Variants in PMF1 observed in about 807,000 individuals in gnomAD.
PMF1 encodes the protein polyamine modulated factor 1.
A neutral mutation model predicts 26.7 loss-of-function variants in PMF1; 21 were observed. The observed-to-expected ratio is 0.79, with a 90% CI of 0.56 to 1.13. PMF1 has a LOEUF of 1.13. Ranked by LOEUF, PMF1 falls within the 50% of genes most tolerant of loss-of-function variation. The probability of loss-of-function intolerance (pLI) is 0.00; values close to 1 mark genes in which losing one functional copy is unlikely to be tolerated. For synonymous variants in PMF1, 105 were observed against 101.0 expected (o/e 1.04, Z -0.24); for missense variants, 266 against 254.9 (o/e 1.04, Z -0.30).
Position 156,239,536 on chromosome 1 carries a change from C to T in PMF1, c.565-12C>T. 6.2e-7 allele frequency: 1 copy of T among 1,611,624 alleles called. No homozygotes were observed. The highest frequency in any genetic ancestry group is 8.5e-7 in the Non-Finnish European group (1 of 1,178,548). On this transcript the variant is annotated splice_polypyrimidine_tract_variant and intron_variant, in intron 4 of 4. Coordinates refer to ENST00000368277, the MANE Select transcript of PMF1 (RefSeq NM_007221.4). ...AGATCCCAGTTTGTCTGTTGTCTCCCATTGATTTCAGGCTCTACACAGAGA... is the reference window on the plus strand; with the variant it reads ...AGATCCCAGTTTGTCTGTTGTCTCCTATTGATTTCAGGCTCTACACAGAGA...
intron 1 of PMF1, among the ~76,000 whole-genome samples, chr1:156,216,695 T>C (rs878930857): frequency 6.6e-6 from 1 of 151,722 alleles, no homozygotes; most frequent in African/African-American, 2.4e-5. Flanking sequence ...CGCTCTCCGC[T>C]GCGGGCGCCC....
intron 1 of PMF1, among the ~76,000 whole-genome samples, chr1:156,230,390 T>C (rs1294833721): frequency 6.6e-6 from 1 of 152,226 alleles, no homozygotes; most frequent in Non-Finnish European, 1.5e-5. Flanking sequence ...AACCACTCTC[T>C]ACAAGAGATG....
At chr1:156,237,229 G>A (rs1355870123) in intron 4 of PMF1, 2 of 152,100 alleles carry the variant, frequency 1.3e-5, no homozygotes, top group East Asian at 1.9e-4. Flanking sequence ...GCTCTTCTTA[G>A]CCACTTTGCA....
chr1:156,231,424 G>T (rs1017319063), intron 1 of PMF1, among the ~76,000 whole-genome samples: 81 of 151,470 alleles, frequency 5.3e-4, no homozygotes, highest in African/African-American at 1.9e-3. Flanking sequence ...AGAAAATCAG[G>T]CTTCAGGCTG....
intron 1 of PMF1, among the ~76,000 whole-genome samples, chr1:156,230,194 C>T (rs942503948): frequency 7.1e-6 from 1 of 140,770 alleles, no homozygotes; most frequent in Non-Finnish European, 1.5e-5. Context: ...CTGATCCTCA[C>T]AGCCAAGGAG....
intron 1 of PMF1, among the ~76,000 whole-genome samples, chr1:156,216,477 G>A (rs1354428514): frequency 6.6e-6 from 1 of 152,190 alleles, no homozygotes; most frequent in Admixed American, 6.5e-5. Flanking sequence ...TCGCTGGAGA[G>A]GTTGGGACTC....
chr1:156,216,245 G>C (rs1657691464), intron 1 of PMF1, among the ~76,000 whole-genome samples: 1 of 151,996 alleles, frequency 6.6e-6, no homozygotes, highest in South Asian at 2.1e-4. Context: ...ATAAAAATTA[G>C]CCGGGCCTAG....
intron 1 of PMF1, among the ~76,000 whole-genome samples, chr1:156,224,449 C>T (rs1298205232): frequency 3.9e-5 from 6 of 152,252 alleles, no homozygotes; most frequent in Admixed American, 1.3e-4. Context: ...TCTTGAATCA[C>T]TGGCCTGGAG....
chr1:156,225,808 A>G (rs1300253643), intron 1 of PMF1: 2 of 444,952 alleles, frequency 4.5e-6, no homozygotes, highest in African/African-American at 4.0e-5. Flanking sequence ...CCAGAGCCTG[A>G]TTCTGTGCTT....
At position 156,233,702 on chromosome 1, in the gene PMF1, AG is replaced by A. The variant is rs1346658359; in HGVS notation, c.344del (p.Gly115AlafsTer87). 2 of 1,613,940 alleles carry A rather than the reference AG, an allele frequency of 1.2e-6. No individual in the cohort carries two copies. Among genetic ancestry groups the A allele is most frequent in the Non-Finnish European group, 1.7e-6 (2 of 1,179,926 alleles). ...LNALDKIVEEGKVRKEPAWRP... is the reference protein window; with the variant it reads ...LNALDKIVEEXKVRKEPAWRP... ...ATGCCTTGGATAAAATTGTGGAAGA[AG>A]GCAAAGTCCGCAAAGAGCCAGCCTG... On this transcript the variant is annotated frameshift_variant, in exon 3 of 5. Coordinates refer to ENST00000368277, the MANE Select transcript of PMF1 (RefSeq NM_007221.4). LOFTEE classifies it high-confidence loss of function.
At chr1:156,222,006 G>T (rs1301381058) in intron 1 of PMF1, among the ~76,000 whole-genome samples, 3 of 152,174 alleles carry the variant, frequency 2.0e-5, no homozygotes, top group East Asian at 1.9e-4. Flanking sequence ...CCTCAGTCTT[G>T]TGTCCTCCCA....
chr1:156,238,026 C>A (rs1207571322), intron 4 of PMF1, among the ~76,000 whole-genome samples: 1 of 152,160 alleles, frequency 6.6e-6, no homozygotes, highest in African/African-American at 2.4e-5. Flanking sequence ...CCACAGCTTC[C>A]CAAAGTGCTG....
chr1:156,219,778 C>T (rs1657977867), intron 1 of PMF1, among the ~76,000 whole-genome samples: 1 of 151,730 alleles, frequency 6.6e-6, no homozygotes, highest in African/African-American at 2.4e-5. Flanking sequence ...GAGACAGGGT[C>T]ATGCTCTGTC....
intron 1 of PMF1, among the ~76,000 whole-genome samples, chr1:156,226,404 G>C (rs1364384890): frequency 2.6e-5 from 4 of 152,148 alleles, no homozygotes; most frequent in Non-Finnish European, 5.9e-5. Context: ...CTCTCTAGTG[G>C]GGACAAATCC....
At chr1:156,213,240 A>G (rs1572472341) in intron 1 of PMF1, 64 bp downstream of exon 1, 1 of 1,585,956 alleles carries the variant, frequency 6.3e-7, no homozygotes, top group African/African-American at 1.3e-5. Context: ...CCGCGAGGTC[A>G]GGACGGCCGC....
At chr1:156,231,216 CAAAAAAA>C (rs71080753) in intron 1 of PMF1, among the ~76,000 whole-genome samples, 1,367 of 48,348 alleles carry the variant, frequency 0.028, 10 homozygotes, top group Middle Eastern at 0.071. Context: ...GACTCCATCT[CAAAAAAA>C]AAAAAAAAAA....
At chr1:156,215,098 C>T (rs1452830003) in intron 1 of PMF1, among the ~76,000 whole-genome samples, 4 of 117,800 alleles carry the variant, frequency 3.4e-5, no homozygotes, top group African/African-American at 1.7e-4. Context: ...AGGCTGGTCT[C>T]GAACTGAGCT....
At chr1:156,230,344 C>T (rs1658622988) in intron 1 of PMF1, among the ~76,000 whole-genome samples, 1 of 152,274 alleles carries the variant, frequency 6.6e-6, no homozygotes, top group South Asian at 2.1e-4. Flanking sequence ...ATCGTTGATA[C>T]ACTGTTAGCC....
At chr1:156,233,749 T>C (rs1572502571) in intron 3 of PMF1, 21 bp downstream of exon 3, 1 of 1,599,608 alleles carries the variant, frequency 6.3e-7, no homozygotes, top group Middle Eastern at 1.7e-4. Flanking sequence ...GGTGGGGAGG[T>C]GAGAAGGTAC....
Sources: gnomAD v4.1 joint callset for allele counts (sites outside exome capture counted in the v4.1 genomes callset) on GRCh38, gnomAD v4.1.1 for gene constraint, MANE v1.5 for transcripts, NCBI Gene and HGNC (gene_info 2026-07-23, HGNC 2026-07-21) for gene names.